TENM2: variants seen among roughly 807,000 people sequenced by gnomAD.
TENM2 encodes teneurin transmembrane protein 2.
Under a neutral mutation model 245.2 loss-of-function variants are expected in TENM2, and 52 were observed. The observed-to-expected ratio is 0.21, with a 90% confidence interval of 0.17 to 0.27. The LOEUF (loss-of-function observed/expected upper bound fraction) is 0.27. TENM2 is among the 10% of genes least tolerant of loss of function. TENM2 has a pLI of 1.00. For synonymous variants in TENM2, 1,363 were observed against 1,438.9 expected (o/e 0.95, Z 1.19); for missense variants, 3,046 against 3,666.8 (o/e 0.83, Z 4.37).
At chr5:167,880,233 A>T (rs1172468986) in intron 3 of TENM2, among the ~76,000 whole-genome samples, 2 of 151,930 alleles carry the variant, frequency 1.3e-5, no homozygotes, top group African/African-American at 4.8e-5. Context: ...GGGTTTCACC[A>T]TGTTGGCCAG....
In TENM2 at chr5:167,319,145, G is replaced by A. The variant is rs370819583; in HGVS notation, c.226+34082G>A. On this transcript the variant is annotated intron_variant, in intron 1 of 28. Coordinates refer to ENST00000518659, the Ensembl canonical transcript of TENM2. Reference sequence around the variant, plus strand: ...AAGGAGTTTAAAATCAATTAACTTTGTGTGGGGCCAGGCTGAATATTATTT... The same window carrying A: ...AAGGAGTTTAAAATCAATTAACTTTATGTGGGGCCAGGCTGAATATTATTT... 5.3e-5 allele frequency among the ~76,000 whole-genome samples: 8 copies of A among 152,286 alleles called. No homozygotes were observed. The South Asian group carries it at 1.7e-3, about 32-fold the overall frequency.
At chr5:167,301,679 T>A (rs1433949767) in intron 1 of TENM2, among the ~76,000 whole-genome samples, 3 of 152,196 alleles carry the variant, frequency 2.0e-5, no homozygotes, top group Non-Finnish European at 4.4e-5. Flanking sequence ...GTAAAGCGTC[T>A]CAGGGTTGCT....
At chr5:167,985,065 G>A (rs568554639) in intron 4 of TENM2, among the ~76,000 whole-genome samples, 1 of 152,234 alleles carries the variant, frequency 6.6e-6, no homozygotes, top group Admixed American at 6.5e-5. Flanking sequence ...TACCCTTTAT[G>A]GGCTGCCTCT....
chr5:168,143,621 G>T (rs2152406323), intron 12 of TENM2, among the ~76,000 whole-genome samples: 1 of 152,204 alleles, frequency 6.6e-6, no homozygotes, highest in South Asian at 2.1e-4. Flanking sequence ...TCATATATTT[G>T]CCCTATAGCA....
chr5:168,107,661 C>A (rs144759834), intron 9 of TENM2, among the ~76,000 whole-genome samples: 2 of 152,272 alleles, frequency 1.3e-5, no homozygotes, highest in African/African-American at 4.8e-5. Flanking sequence ...TGCTCTCGCA[C>A]TGTCACCTCC....
chr5:167,957,761 A>C (rs375258515), intron 4 of TENM2, among the ~76,000 whole-genome samples: 5 of 152,236 alleles, frequency 3.3e-5, no homozygotes, highest in Non-Finnish European at 7.3e-5. Flanking sequence ...CAGATTGTTC[A>C]GTTTCCATGT....
At chr5:168,084,717 C>T (rs1396539501) in intron 7 of TENM2, among the ~76,000 whole-genome samples, 3 of 152,132 alleles carry the variant, frequency 2.0e-5, no homozygotes, top group Non-Finnish European at 4.4e-5. Context: ...GGTAGAGTGG[C>T]GTTTAGGGAA....
At chr5:167,168,772 T>C in the TENM2 span, among the ~76,000 whole-genome samples, 14 of 152,130 alleles carry the variant, frequency 9.2e-5, no homozygotes, top group Non-Finnish European at 1.6e-4. Flanking sequence ...TCAATTTATG[T>C]TTTTTGAGAC....
At chr5:167,534,536 A>G (rs13154542) in intron 2 of TENM2, among the ~76,000 whole-genome samples, 74,312 of 152,080 alleles carry the variant, frequency 0.49, 19,894 homozygotes, top group South Asian at 0.61. Flanking sequence ...TTGTTTATCC[A>G]AAATCCAAAT....
chr5:167,861,103 C>T (rs1771760512), intron 2 of TENM2, among the ~76,000 whole-genome samples: 1 of 151,252 alleles, frequency 6.6e-6, no homozygotes, highest in Non-Finnish European at 1.5e-5. Context: ...TTCTCATTTT[C>T]ACCCCTAGCA....
chr5:167,292,726 T>G (rs1205430899), intron 1 of TENM2, among the ~76,000 whole-genome samples: 1 of 152,206 alleles, frequency 6.6e-6, no homozygotes, highest in East Asian at 1.9e-4. Context: ...AACCTGGCAG[T>G]TTTAAAATGG....
intron 12 of TENM2, among the ~76,000 whole-genome samples, chr5:168,157,669 G>T (rs1189454706): frequency 1.3e-5 from 2 of 152,164 alleles, no homozygotes; most frequent in Non-Finnish European, 2.9e-5. Flanking sequence ...TGCCTCCAAG[G>T]TTTCAGTGGT....
intron 2 of TENM2, among the ~76,000 whole-genome samples, chr5:167,529,723 A>C (rs1771369312): frequency 6.6e-6 from 1 of 152,210 alleles, no homozygotes; most frequent in African/African-American, 2.4e-5. Context: ...ACAAATGTAA[A>C]GGTAAATTTT....
At chr5:167,352,787 T>C (rs1178156210) in intron 1 of TENM2, among the ~76,000 whole-genome samples, 1 of 152,246 alleles carries the variant, frequency 6.6e-6, no homozygotes, top group East Asian at 1.9e-4. Context: ...ATGTCATGGT[T>C]GTCAAAGTCG....
chr5:167,648,645 G>T (rs1780128517), intron 2 of TENM2, among the ~76,000 whole-genome samples: 1 of 152,212 alleles, frequency 6.6e-6, no homozygotes, highest in Non-Finnish European at 1.5e-5. Flanking sequence ...CTGTTCTCTT[G>T]CTGCAGTCGG....
chr5:167,143,765 AG>A, the TENM2 span, among the ~76,000 whole-genome samples: 1 of 152,216 alleles, frequency 6.6e-6, no homozygotes, highest in Non-Finnish European at 1.5e-5. Context: ...ATTCTTACAA[AG>A]CCGTGCAAGG....
At chr5:167,189,318 T>C in the TENM2 span, among the ~76,000 whole-genome samples, 1 of 152,188 alleles carries the variant, frequency 6.6e-6, no homozygotes, top group African/African-American at 2.4e-5. Flanking sequence ...AGTTGTAATA[T>C]TTGTTAATTT....
intron 4 of TENM2, among the ~76,000 whole-genome samples, chr5:167,957,627 C>T (rs1487987473): frequency 6.6e-6 from 1 of 152,196 alleles, no homozygotes; most frequent in Non-Finnish European, 1.5e-5. Context: ...ATAAATTTCC[C>T]TCTAAACACT....
intron 2 of TENM2, among the ~76,000 whole-genome samples, chr5:167,672,363 C>A (rs922136208): frequency 4.6e-5 from 7 of 151,676 alleles, no homozygotes; most frequent in Non-Finnish European, 7.4e-5. Context: ...TTGATTAGAA[C>A]CTGATTTAAT....
Sources: gnomAD v4.1 joint callset for allele counts (sites outside exome capture counted in the v4.1 genomes callset) on GRCh38, gnomAD v4.1.1 for gene constraint, MANE v1.5 for transcripts, NCBI Gene and HGNC (gene_info 2026-07-23, HGNC 2026-07-21) for gene names.